RGS6: variants seen among roughly 807,000 people sequenced by gnomAD.
RGS6 encodes regulator of G protein signaling 6, also known as regulator of G-protein signaling 6.
In RGS6, 30 loss-of-function variants were observed where a neutral mutation model predicts 78.5. That is an observed-to-expected ratio of 0.38 (90% CI 0.29 to 0.52). The LOEUF is 0.52. Ranked by LOEUF, RGS6 falls within the 20% of genes least tolerant of loss-of-function variation. RGS6 has a pLI of 0.85. For missense variants in RGS6, 495 were observed against 609.7 expected (o/e 0.81, Z 1.98); for synonymous variants, 206 against 206.0 (o/e 1.00, Z 0.00).
intron 2 of RGS6, among the ~76,000 whole-genome samples, chr14:72,057,615 CTCCTTTAAGTGCTT>C (rs997385749): frequency 6.6e-6 from 1 of 152,178 alleles, no homozygotes; most frequent in Non-Finnish European, 1.5e-5. Context: ...TTCCTATCAC[CTCCTTTAAGTGCTT>C]TCCTTTAAGT....
chr14:72,251,759 A>G (rs1466078751), intron 2 of RGS6, among the ~76,000 whole-genome samples: 1 of 152,204 alleles, frequency 6.6e-6, no homozygotes, highest in East Asian at 1.9e-4. Flanking sequence ...ATTGGGTACT[A>G]TGCTCACTAC....
chr14:72,085,275 G>A (rs1001035990), intron 2 of RGS6, among the ~76,000 whole-genome samples: 20 of 152,276 alleles, frequency 1.3e-4, no homozygotes, highest in East Asian at 7.7e-4. Flanking sequence ...TATTTTAATC[G>A]TATTAGGTGA....
At chr14:72,215,140 A>G (rs1294096053) in intron 2 of RGS6, among the ~76,000 whole-genome samples, 1 of 152,150 alleles carries the variant, frequency 6.6e-6, no homozygotes, top group Non-Finnish European at 1.5e-5. Flanking sequence ...TGTTGCTTCC[A>G]TTACTGATTT....
intron 2 of RGS6, among the ~76,000 whole-genome samples, chr14:72,162,838 G>A (rs1180806773): frequency 2.0e-5 from 3 of 151,762 alleles, no homozygotes; most frequent in African/African-American, 7.3e-5. Context: ...ACATATGTGT[G>A]TATATATATA....
intron 2 of RGS6, among the ~76,000 whole-genome samples, chr14:71,969,150 G>A (rs552488160): frequency 8.5e-5 from 13 of 152,244 alleles, no homozygotes; most frequent in East Asian, 5.8e-4. Context: ...CAAAGGACAC[G>A]AACTCATCCT....
At chr14:72,041,649 A>T (rs537203891) in intron 2 of RGS6, among the ~76,000 whole-genome samples, 58 of 152,348 alleles carry the variant, frequency 3.8e-4, no homozygotes, top group African/African-American at 1.4e-3. Context: ...AAGGCTAAGA[A>T]TAGCAAAATA....
intron 15 of RGS6, among the ~76,000 whole-genome samples, chr14:72,523,473 C>T (rs2097078049): frequency 6.6e-6 from 1 of 152,086 alleles, no homozygotes; most frequent in Non-Finnish European, 1.5e-5. Context: ...TATTAGTGCT[C>T]AGTAGCCTGA....
At chr14:72,209,637 A>G (rs1158399119) in intron 2 of RGS6, among the ~76,000 whole-genome samples, 1 of 152,178 alleles carries the variant, frequency 6.6e-6, no homozygotes, top group South Asian at 2.1e-4. Context: ...ATACATGGTA[A>G]CATTCAGATT....
the RGS6 span, among the ~76,000 whole-genome samples, chr14:72,608,641 G>T: frequency 0.014 from 2,061 of 152,204 alleles, 37 homozygotes; most frequent in African/African-American, 0.048. Flanking sequence ...CTTCTCTGAG[G>T]GGTCTCCAGA....
At chr14:71,984,646 G>A (rs1369963934) in intron 2 of RGS6, among the ~76,000 whole-genome samples, 1 of 151,884 alleles carries the variant, frequency 6.6e-6, no homozygotes, top group Admixed American at 6.6e-5. Flanking sequence ...CAAGGCAAGG[G>A]GATAGAATAT....
chr14:72,537,720 T>A (rs1365789970), intron 16 of RGS6: 1 of 605,026 alleles, frequency 1.7e-6, no homozygotes. Context: ...AAGGTCAAAG[T>A]AAGTTTTTCT....
intron 1 of RGS6, among the ~76,000 whole-genome samples, chr14:71,963,642 T>C (rs905181095): frequency 2.6e-5 from 4 of 152,238 alleles, no homozygotes; most frequent in African/African-American, 7.2e-5. Flanking sequence ...ACTTAGCGTG[T>C]TTTCACTTAG....
intron 3 of RGS6, chr14:72,421,120 T>TA (rs1236309764): frequency 6.6e-6 from 1 of 151,286 alleles, no homozygotes; most frequent in Non-Finnish European, 1.5e-5. Context: ...TAATCTGTCT[T>TA]AAAACTTGGA....
the RGS6 span, among the ~76,000 whole-genome samples, chr14:72,603,535 C>G: frequency 6.6e-6 from 1 of 152,226 alleles, no homozygotes; most frequent in Non-Finnish European, 1.5e-5. Flanking sequence ...TTCAAGGATC[C>G]CTGTATTCAT....
intron 3 of RGS6, among the ~76,000 whole-genome samples, chr14:72,396,168 A>G (rs529215765): frequency 6.6e-6 from 1 of 152,216 alleles, no homozygotes; most frequent in African/African-American, 2.4e-5. Flanking sequence ...AAGCATTCCT[A>G]TTTCTCCACA....
intron 2 of RGS6, among the ~76,000 whole-genome samples, chr14:71,998,536 A>G (rs529635865): frequency 2.0e-5 from 3 of 152,214 alleles, no homozygotes; most frequent in Non-Finnish European, 2.9e-5. Flanking sequence ...CTCGGCCTTC[A>G]TGGAGCTGAA....
At chr14:72,281,979 T>TA (rs2061664466) in intron 2 of RGS6, among the ~76,000 whole-genome samples, 2 of 152,174 alleles carry the variant, frequency 1.3e-5, no homozygotes, top group Non-Finnish European at 2.9e-5. Context: ...TGGTATTTTT[T>TA]AAAAAATCAC....
intron 3 of RGS6, among the ~76,000 whole-genome samples, chr14:72,447,826 C>T (rs1314190964): frequency 6.6e-6 from 1 of 152,292 alleles, no homozygotes; most frequent in Non-Finnish European, 1.5e-5. Flanking sequence ...GCCTCAGCCT[C>T]CCAAGTAGCT....
chr14:72,449,290 A>G (rs1392176298), intron 3 of RGS6, among the ~76,000 whole-genome samples: 1 of 152,256 alleles, frequency 6.6e-6, no homozygotes, highest in East Asian at 1.9e-4. Flanking sequence ...ATTTATCAGT[A>G]CTATGATGTA....
Sources: gnomAD v4.1 joint callset for allele counts (sites outside exome capture counted in the v4.1 genomes callset) on GRCh38, gnomAD v4.1.1 for gene constraint, MANE v1.5 for transcripts, NCBI Gene and HGNC (gene_info 2026-07-23, HGNC 2026-07-21) for gene names.